CNIH3: variants seen among roughly 807,000 people sequenced by gnomAD.
The protein encoded by CNIH3 is cornichon family AMPA receptor auxiliary protein 3, also known as protein cornichon homolog 3.
In CNIH3, 14 loss-of-function variants were observed where a neutral mutation model predicts 24.1. That is an observed-to-expected ratio of 0.58 (90% CI 0.38 to 0.91). The LOEUF (loss-of-function observed/expected upper bound fraction) is 0.91, where lower values mean the gene tolerates loss of function less well. CNIH3 is among the 40% of genes least tolerant of loss of function. CNIH3 has a pLI of 0.00. For synonymous variants in CNIH3, 68 were observed against 73.8 expected, an observed-to-expected ratio of 0.92 and a Z score of 0.40; for missense variants, 178 against 196.8, an observed-to-expected ratio of 0.90 and a Z score of 0.57.
chr1:224,529,919 G>T (rs1273801124), intron 2 of CNIH3, among the ~76,000 whole-genome samples: 2 of 152,230 alleles, frequency 1.3e-5, no homozygotes, highest in Admixed American at 1.3e-4. Context: ...ATGTAGGCAT[G>T]GGAACCAAGA....
chr1:224,687,384 C>A (rs7542431), intron 3 of CNIH3, among the ~76,000 whole-genome samples: 69,557 of 151,960 alleles, frequency 0.46, 16,342 homozygotes, highest in African/African-American at 0.54. Context: ...AGGCATGCAC[C>A]ACCATGCCTG....
chr1:224,525,773 G>A (rs1205920386), intron 2 of CNIH3, among the ~76,000 whole-genome samples: 2 of 152,164 alleles, frequency 1.3e-5, no homozygotes, highest in African/African-American at 2.4e-5. Context: ...CTGGGAGTAC[G>A]AATGGAAGGA....
exon 1 of CNIH3, chr1:224,434,769 G>C (rs1572230077): frequency 1.0e-6 from 1 of 986,336 alleles, no homozygotes; most frequent in East Asian, 1.1e-4. Context: ...TCCCTGGTGT[G>C]TTGATTCTTC....
chr1:224,545,667 A>G (rs536521339), intron 2 of CNIH3, among the ~76,000 whole-genome samples: 4 of 152,168 alleles, frequency 2.6e-5, no homozygotes, highest in Non-Finnish European at 5.9e-5. Context: ...GGCACAGAGG[A>G]GGGGATTTAT....
intron 4 of CNIH3, among the ~76,000 whole-genome samples, chr1:224,573,720 T>C (rs1680917354): frequency 6.6e-6 from 1 of 152,176 alleles, no homozygotes; most frequent in South Asian, 2.1e-4. Flanking sequence ...TTTCCATGTT[T>C]GTCTTTTTTC....
At chr1:224,525,213 G>A (rs1315925472) in intron 2 of CNIH3, among the ~76,000 whole-genome samples, 2 of 152,150 alleles carry the variant, frequency 1.3e-5, no homozygotes, top group African/African-American at 2.4e-5. Context: ...TTATAATTGC[G>A]ACCAGCTATG....
At chr1:224,737,765 G>A (rs1043748889) in intron 5 of CNIH3, among the ~76,000 whole-genome samples, 1 of 152,188 alleles carries the variant, frequency 6.6e-6, no homozygotes, top group African/African-American at 2.4e-5. Flanking sequence ...CTAATAATTA[G>A]CAACATCTGG....
At chr1:224,721,919 C>T (rs1688744248) in intron 3 of CNIH3, among the ~76,000 whole-genome samples, 1 of 152,202 alleles carries the variant, frequency 6.6e-6, no homozygotes, top group African/African-American at 2.4e-5. Context: ...TAGAGACCAC[C>T]AGCTGCAGGG....
intron 2 of CNIH3, among the ~76,000 whole-genome samples, chr1:224,532,243 A>G (rs1408437656): frequency 6.6e-6 from 1 of 152,172 alleles, no homozygotes; most frequent in African/African-American, 2.4e-5. Flanking sequence ...GGCTCTAGAG[A>G]GTGCGAGGAA....
intron 1 of CNIH3, among the ~76,000 whole-genome samples, chr1:224,443,142 G>T (rs572306979): frequency 6.6e-6 from 1 of 152,174 alleles, no homozygotes; most frequent in African/African-American, 2.4e-5. Flanking sequence ...TAAGCTAGGC[G>T]TTAACTTGGA....
Position 224,684,074 on chromosome 1 carries a change from G to A in CNIH3, c.151-722G>A, listed in dbSNP as rs887098659. ...AAATTGCCTCAGTAATGAAGCACCGGGAGATGCCACAGCTGTGTTCAGTGT... is the reference window on the plus strand; with the variant it reads ...AAATTGCCTCAGTAATGAAGCACCGAGAGATGCCACAGCTGTGTTCAGTGT... On this transcript the variant is annotated intron_variant, in intron 2 of 5. Coordinates refer to ENST00000272133, the MANE Select transcript of CNIH3 (RefSeq NM_152495.2). This position sits in a 1 kb window ranked among gnomAD's most constrained non-coding sequence, Gnocchi z 4.2. Among the ~76,000 whole-genome samples, 1 of 152,186 alleles carries A rather than the reference G, an allele frequency of 6.6e-6. No homozygotes were observed. Among genetic ancestry groups the A allele is most frequent in the Non-Finnish European group, 1.5e-5 (1 of 68,036 alleles).
intron 1 of CNIH3, among the ~76,000 whole-genome samples, chr1:224,470,265 G>A (rs1676317764): frequency 6.6e-6 from 1 of 151,048 alleles, no homozygotes; most frequent in South Asian, 2.1e-4. Context: ...TGAGCTACCT[G>A]CCTCGGCCTC....
intron 3 of CNIH3, among the ~76,000 whole-genome samples, chr1:224,713,849 T>G (rs992082765): frequency 6.6e-6 from 1 of 152,256 alleles, no homozygotes; most frequent in African/African-American, 2.4e-5. Context: ...AAGGTCTCAT[T>G]CTGCCACTTA....
intron 1 of CNIH3, among the ~76,000 whole-genome samples, chr1:224,621,924 G>A (rs1683302025): frequency 6.6e-6 from 1 of 152,072 alleles, no homozygotes; most frequent in Non-Finnish European, 1.5e-5. Context: ...TTTTTGTGCT[G>A]TTCTCATGAT....
intron 5 of CNIH3, among the ~76,000 whole-genome samples, chr1:224,586,312 T>C (rs1681505864): frequency 1.3e-5 from 2 of 152,166 alleles, no homozygotes; most frequent in South Asian, 2.1e-4. Flanking sequence ...CTCACAGTCA[T>C]GGTAGAAGGT....
chr1:224,624,840 G>C (rs1683441507), intron 1 of CNIH3, among the ~76,000 whole-genome samples: 1 of 152,230 alleles, frequency 6.6e-6, no homozygotes, highest in Admixed American at 6.5e-5. Flanking sequence ...CATTTTCTGT[G>C]TTCCAGATAT....
At chr1:224,621,317 C>T (rs1683267318) in intron 1 of CNIH3, among the ~76,000 whole-genome samples, 2 of 152,176 alleles carry the variant, frequency 1.3e-5, no homozygotes, top group African/African-American at 4.8e-5. Flanking sequence ...TCCACCTTGT[C>T]ACAGGCTCAG....
At chr1:224,696,699 C>T (rs1687194457) in intron 3 of CNIH3, among the ~76,000 whole-genome samples, 4 of 152,086 alleles carry the variant, frequency 2.6e-5, no homozygotes, top group African/African-American at 9.7e-5. Flanking sequence ...TGAATTTATT[C>T]ATTCTTTCAA....
intron 3 of CNIH3, among the ~76,000 whole-genome samples, chr1:224,551,573 A>C (rs1186102540): frequency 6.6e-6 from 1 of 152,182 alleles, no homozygotes; most frequent in Non-Finnish European, 1.5e-5. Context: ...TGGATTATAG[A>C]GAAATATCAA....
Sources: gnomAD v4.1 joint callset for allele counts (sites outside exome capture counted in the v4.1 genomes callset) on GRCh38, gnomAD v4.1.1 for gene constraint, Gnocchi (gnomAD v3.1) non-coding constraint, MANE v1.5 for transcripts, NCBI Gene and HGNC (gene_info 2026-07-23, HGNC 2026-07-21) for gene names.